Variants in RSL1D1 observed in about 807,000 individuals in gnomAD.
The protein encoded by RSL1D1 is ribosomal L1 domain-containing protein 1.
A neutral mutation model predicts 44.6 loss-of-function variants in RSL1D1; 34 were observed. The ratio of observed to expected loss-of-function variants is 0.76; its 90% CI spans 0.58 to 1.02. RSL1D1 has a LOEUF of 1.02. Among genes scored for constraint, RSL1D1 ranks in the 50% least tolerant of loss-of-function variants. The pLI is 0.00. For synonymous variants in RSL1D1, 271 were observed against 207.4 expected (o/e 1.31, Z -2.63); for missense variants, 767 against 568.1 (o/e 1.35, Z -3.56).
intron 2 of RSL1D1, 128 bp downstream of exon 2, chr16:11,850,151 G>GT: frequency 1.1e-6 from 1 of 901,556 alleles, no homozygotes; most frequent in Non-Finnish European, 1.6e-6. Context: ...GGACATAGTT[G>GT]TTTTACTTCA....
Position 11,836,643 on chromosome 16 carries a change from T to C in RSL1D1, c.*1144A>G, listed in dbSNP as rs1419873472. The C allele has an allele frequency of 2.0e-5, 3 of 152,226 alleles. No individual in the cohort carries two copies. Among genetic ancestry groups the C allele is most frequent in the Non-Finnish European group, 4.4e-5 (3 of 68,046 alleles). The allele number at this position is 152,226 out of a possible 1,614,324, so 9.4% of individuals were successfully genotyped here. ...AAGGCTTATGGAAGATAAATCATGT[T>C]CTTGCCTCCGGTAGGTAGGATTCAA... On this transcript the variant is annotated 3_prime_UTR_variant, in exon 9 of 9. Coordinates refer to ENST00000571133, the MANE Select transcript of RSL1D1 (RefSeq NM_015659.3).
At chr16:11,846,264 A>G (rs571687748) in intron 5 of RSL1D1, among the ~76,000 whole-genome samples, 307 of 151,226 alleles carry the variant, frequency 2.0e-3, no homozygotes, top group Non-Finnish European at 1.9e-3. Flanking sequence ...GCGTGGTGGC[A>G]GGCGCCTGTA....
At chr16:11,843,068 T>G (rs1178756033) in intron 5 of RSL1D1, among the ~76,000 whole-genome samples, 1 of 150,494 alleles carries the variant, frequency 6.6e-6, no homozygotes, top group Non-Finnish European at 1.5e-5. Context: ...ATTACAGGAA[T>G]GCGCCACCAC....
chr16:11,840,117 C>T lies in RSL1D1; in HGVS notation c.856-132G>A, dbSNP rs147159530. 6.1e-4 allele frequency: 854 copies of T among 1,389,314 alleles called. 16 individuals are homozygous for T. The East Asian group carries it at 0.018, about 29-fold the overall frequency. The allele number at this position is 1,389,314 out of a possible 1,614,324, so 86.1% of individuals were successfully genotyped here. Reference sequence around the variant, plus strand: ...GACCTCGATCTATACAGAGAACAAACTCCCTAACCAGCACTGGAACCTCAA... The same window carrying T: ...GACCTCGATCTATACAGAGAACAAATTCCCTAACCAGCACTGGAACCTCAA... On this transcript the variant is annotated intron_variant, in intron 7 of 8. Coordinates refer to ENST00000571133, the MANE Select transcript of RSL1D1 (RefSeq NM_015659.3).
rs1396830956 is a variant in RSL1D1, at chr16:11,850,432, A to G, written c.106-14T>C. On this transcript the variant is annotated splice_polypyrimidine_tract_variant and intron_variant, in intron 1 of 8. Transcript: ENST00000571133. The stretch of plus-strand genomic sequence containing the variant: ...TGCCTTTCTAACCTGCAAAGTGGAA[A>G]TTAGACAAATAAGTGAAATGTTTTC... 5.0e-6 allele frequency: 8 copies of G among 1,586,746 alleles called. No individual in the cohort carries two copies. The highest frequency in any genetic ancestry group is 6.8e-6 in the Non-Finnish European group (8 of 1,173,110).
intron 5 of RSL1D1, 108 bp from the exon 6 acceptor site, chr16:11,842,108 CT>C (rs980526717): frequency 1.2e-6 from 1 of 823,824 alleles, no homozygotes; most frequent in African/African-American, 1.7e-5. Context: ...TTTTCTTTTT[CT>C]TTTAAAAAGG....
rs1451384301 is a variant in RSL1D1, at chr16:11,835,885, T to A, written c.*1902A>T. Reference sequence around the variant, plus strand: ...TTGTGGTCTTTGGAACACCAAGCTCTGTGCTAAAGGGTGGAAGGCTGCCCT... The same window carrying A: ...TTGTGGTCTTTGGAACACCAAGCTCAGTGCTAAAGGGTGGAAGGCTGCCCT... On this transcript the variant is annotated 3_prime_UTR_variant, in exon 9 of 9. Transcript: ENST00000571133. 1 of 152,092 alleles carries A rather than the reference T, an allele frequency of 6.6e-6. No homozygotes were observed. The highest frequency in any genetic ancestry group is 1.5e-5 in the Non-Finnish European group (1 of 68,010). The allele number at this position is 152,092 out of a possible 1,614,324, so 9.4% of individuals were successfully genotyped here. A position where few individuals can be genotyped will look rare whatever the true frequency, so the allele number is the denominator to read the frequency against.
chr16:11,850,392 C>T lies in RSL1D1; in HGVS notation c.132G>A (p.Leu44=), dbSNP rs775247685. 44 of 1,598,794 alleles carry T rather than the reference C, an allele frequency of 2.8e-5. No homozygotes were observed. Among genetic ancestry groups the T allele is most frequent in the Non-Finnish European group, 3.1e-5 (37 of 1,176,358 alleles). The change falls in exon 2 of 9, where the codon TTG becomes TTA. Residue 44 remains leucine, a synonymous_variant. Transcript: ENST00000571133. ...EQVRKAVDAL[L]THCKSRKNNY... The stretch of plus-strand genomic sequence containing the variant: ...TGTTTTTCCTGGACTTGCAATGCGT[C>T]AAGAGAGCGTCCACTGCCTTTCTAA...
chr16:11,836,556 T>C lies in RSL1D1; in HGVS notation c.*1231A>G, dbSNP rs1413446360. ...ACGTTAGCAATCTACTCTTCCAAGA[T>C]TCCTTGGAGTTGTCATACATAAGCA... On this transcript the variant is annotated 3_prime_UTR_variant, in exon 9 of 9. Transcript: ENST00000571133. The C allele has an allele frequency of 6.6e-6, 1 of 152,224 alleles. No homozygotes were observed. Among genetic ancestry groups the C allele is most frequent in the Non-Finnish European group, 1.5e-5 (1 of 68,048 alleles). 9.4% of individuals were successfully genotyped at this position (152,224 alleles called of 1,614,324 possible). A position where few individuals can be genotyped will look rare whatever the true frequency, so the allele number is the denominator to read the frequency against.
chr16:11,849,227 T>A (rs551493588), intron 2 of RSL1D1: 1 of 152,126 alleles, frequency 6.6e-6, no homozygotes, highest in South Asian at 2.1e-4. Flanking sequence ...CCACAAAGAT[T>A]TCAAAATTAG....
chr16:11,846,394 CAA>C (rs374311615), intron 5 of RSL1D1, 105 bp downstream of exon 5: 88 of 536,832 alleles, frequency 1.6e-4, no homozygotes, highest in East Asian at 2.5e-4. Context: ...GACTCCATCT[CAA>C]AAAAAAAAAA....
In RSL1D1 at chr16:11,835,384, G is replaced by C. The variant is rs2053709338; in HGVS notation, c.*2403C>G. The C allele has an allele frequency of 6.6e-6, 1 of 151,592 alleles. No individual in the cohort carries two copies. Among genetic ancestry groups the C allele is most frequent in the Non-Finnish European group, 1.5e-5 (1 of 68,010 alleles). 9.4% of individuals were successfully genotyped at this position (151,592 alleles called of 1,614,324 possible). A position where few individuals can be genotyped will look rare whatever the true frequency, so the allele number is the denominator to read the frequency against. The stretch of plus-strand genomic sequence containing the variant: ...TTTAGTAGAGATGGGGTTTCACCAT[G>C]TAAGCCAGGCTGGTCTCAGAACTCC... On this transcript the variant is annotated 3_prime_UTR_variant, in exon 9 of 9. Transcript: ENST00000571133.
chr16:11,839,879 ACAT>A lies in RSL1D1; in HGVS notation c.959_961del (p.Asp320del), dbSNP rs2053752224. ...TGTAGTATCACCACTTTCAGGTGCC[ACAT>A]CATCTTTACTAAGAACTGATGCAGT... is the stretch of plus-strand genomic sequence containing the variant. On this transcript the variant is annotated inframe_deletion, in exon 8 of 9. Transcript: ENST00000571133. 8 of 1,614,094 alleles carry A rather than the reference ACAT, an allele frequency of 5.0e-6. No individual in the cohort carries two copies. Among genetic ancestry groups the A allele is most frequent in the South Asian group, 2.2e-5 (2 of 91,074 alleles).
rs73509762 is a variant in RSL1D1 at position 11,841,207 on chromosome 16, C to T, written c.855+488G>A. ...GGCGGATCGCTTGAGCTCAAGAATTCAAGATCAGCCTGGGAAACAGGGCGA... is the reference window on the plus strand; with the variant it reads ...GGCGGATCGCTTGAGCTCAAGAATTTAAGATCAGCCTGGGAAACAGGGCGA... On this transcript the variant is annotated intron_variant, in intron 7 of 8. Transcript: ENST00000571133. Among the ~76,000 whole-genome samples, 451 of 152,206 alleles carry T rather than the reference C, an allele frequency of 3.0e-3. 5 individuals carry two copies. Among genetic ancestry groups the T allele is most frequent in the African/African-American group, 0.01 (431 of 41,532 alleles).
At chr16:11,846,890 C>T (rs1342428739) in intron 3 of RSL1D1, 47 bp from the exon 4 acceptor site, 2 of 1,502,350 alleles carry the variant, frequency 1.3e-6, no homozygotes, top group South Asian at 1.2e-5. Flanking sequence ...GGAATCTAAA[C>T]AAGGAGAAGA....
Position 11,839,960 on chromosome 16 carries a change from C to A in RSL1D1, c.881G>T (p.Arg294Ile). ...KKEARRKRRERNFEKQKERKK... is the reference protein window; with the variant it reads ...KKEARRKRREINFEKQKERKK... ...CCTCTCCTTTTGTTTTTCAAAATTT[C>A]TTTCTCTTCGTTTTCTCCTTGCCTC... Residue 294 changes from arginine (R) to isoleucine (I), a missense_variant, in exon 8 of 9, where the codon AGA (arginine) becomes ATA (isoleucine). Arg to Ile is a moderately conservative substitution (Grantham distance 97, BLOSUM62 -3). Coordinates refer to ENST00000571133, the MANE Select transcript of RSL1D1 (RefSeq NM_015659.3). 6.2e-7 allele frequency: 1 copy of A among 1,612,484 alleles called. No individual in the cohort carries two copies. Among genetic ancestry groups the A allele is most frequent in the Non-Finnish European group, 8.5e-7 (1 of 1,179,494 alleles).
chr16:11,844,514 A>G (rs2053784955), intron 5 of RSL1D1, among the ~76,000 whole-genome samples: 1 of 152,058 alleles, frequency 6.6e-6, no homozygotes, highest in African/African-American at 2.4e-5. Flanking sequence ...TCCGTGACCA[A>G]CTCTTCTAGG....
Position 11,846,835 on chromosome 16 carries a change from G to A in RSL1D1, c.393C>T (p.Ser131=), listed in dbSNP as rs772207593. The part of the protein sequence containing the change: ...HGIKTVSQII[S]LQTLKKEYKS... ...TATATTCCTTCTTTAGAGTTTGGAG[G>A]GAGATAATCTAGGAAGTATAGAGAA... The change falls in exon 4 of 9, where the codon TCC becomes TCT. Residue 131 remains serine (S), a synonymous_variant. Transcript: ENST00000571133. The A allele has an allele frequency of 1.9e-6, 3 of 1,607,704 alleles. No individual in the cohort carries two copies. The highest frequency in any genetic ancestry group is 2.2e-5 in the South Asian group (2 of 90,922).
rs1188822471 is a variant in RSL1D1, at chr16:11,837,814, T to C, written c.1446A>G (p.Lys482=). ...KASHTPKKWP[K]KPKVPQST ...AGGTCGACTGGGGTACTTTGGGTTT[T>C]TTGGGCCATTTTTTGGGGGTGTGGG... is the stretch of plus-strand genomic sequence containing the variant. The change falls in exon 9 of 9, where the codon AAA becomes AAG. Residue 482 remains lysine (K), a synonymous_variant. Transcript: ENST00000571133. The C allele has an allele frequency of 6.2e-7, 1 of 1,610,430 alleles. No individual in the cohort carries two copies. The highest frequency in any genetic ancestry group is 1.7e-5 in the Admixed American group (1 of 59,128).
Sources: gnomAD v4.1 joint callset for allele counts (sites outside exome capture counted in the v4.1 genomes callset) on GRCh38, gnomAD v4.1.1 for gene constraint, MANE v1.5 for transcripts, NCBI Gene and HGNC (gene_info 2026-07-23, HGNC 2026-07-21) for gene names.